DDX24: variants seen among roughly 807,000 people sequenced by gnomAD.
DDX24 encodes DEAD-box helicase 24, also known as ATP-dependent RNA helicase DDX24.
In DDX24, 24 loss-of-function variants were observed where a neutral mutation model predicts 68.9. That is an observed-to-expected ratio of 0.35 (90% CI 0.25 to 0.49). The LOEUF (loss-of-function observed/expected upper bound fraction) is 0.49, where lower values mean the gene tolerates loss of function less well. DDX24 is among the 20% of genes least tolerant of loss of function. The pLI is 0.99. For synonymous variants in DDX24, 395 were observed against 385.2 expected, an observed-to-expected ratio of 1.03 and a Z score of -0.30; for missense variants, 989 against 1,039.0, an observed-to-expected ratio of 0.95 and a Z score of 0.66.
intron 8 of DDX24, among the ~76,000 whole-genome samples, chr14:94,052,168 G>A (rs1378774979): frequency 1.3e-5 from 2 of 152,262 alleles, no homozygotes. Context: ...CTTGGGCACC[G>A]AGGTGTCAAC....
intron 2 of DDX24, among the ~76,000 whole-genome samples, chr14:94,077,251 TGCATGG>T (rs1272176907): frequency 3.9e-5 from 6 of 152,150 alleles, no homozygotes; most frequent in Non-Finnish European, 8.8e-5. Context: ...TATTTATTAT[TGCATGG>T]GCAGTGGTCT....
At chr14:94,059,807 G>A (rs529472773) in intron 5 of DDX24, among the ~76,000 whole-genome samples, 2 of 152,152 alleles carry the variant, frequency 1.3e-5, no homozygotes, top group African/African-American at 2.4e-5. Flanking sequence ...ATGTGATTCT[G>A]AATCTAAAGT....
rs112814907 is a variant in DDX24, at chr14:94,051,187, C to CCACAG, written c.*3_*4insCTGTG. 6.5e-7 allele frequency: 1 copy of CCACAG among 1,527,026 alleles called. No homozygotes were observed. 94.6% of individuals were successfully genotyped at this position (1,527,026 alleles called of 1,614,324 possible). On this transcript the variant is annotated 3_prime_UTR_variant, in exon 9 of 9. Transcript: ENST00000621632. ...AATGTGCAGTCACTGACACACTTGA[C>CCACAG]CAGTTAATTTGCACTTGTACTTGGC...
At chr14:94,051,965 A>G (rs1885396244) in intron 8 of DDX24, 1 of 153,204 alleles carries the variant, frequency 6.5e-6, no homozygotes, top group South Asian at 2.1e-4. Flanking sequence ...GTGACTGCAC[A>G]TGGAGAAGCT....
At position 94,060,496 on chromosome 14, in the gene DDX24, A is replaced by C. The variant is rs770252122; in HGVS notation, c.1515T>G (p.Val505=). The part of the protein sequence containing the change: ...SQYNPKRQTL[V]FSATLTLVHQ... ...GCACCAGGGTGAGTGTGGCAGAAAA[A>C]ACAAGCGTTTGTCTCTTTGGGTTGT... Residue 505 remains valine, a synonymous_variant, in exon 5 of 9, where the codon GTT becomes GTG. Coordinates refer to ENST00000621632, the MANE Select transcript of DDX24 (RefSeq NM_020414.4). The C allele has an allele frequency of 3.3e-5, 54 of 1,613,964 alleles. No individual in the cohort carries two copies. The highest frequency in any genetic ancestry group is 5.0e-5 in the Admixed American group (3 of 59,998).
chr14:94,078,028 TAA>T (rs559505980), intron 2 of DDX24, among the ~76,000 whole-genome samples: 7 of 142,264 alleles, frequency 4.9e-5, no homozygotes, highest in African/African-American at 5.1e-5. Context: ...TTCGGGGGGG[TAA>T]AAAAAAAAAA....
At position 94,048,748 on chromosome 14, in the gene DDX24, C is replaced by T. The variant is rs1011967469; in HGVS notation, c.*2443G>A. ...TTCCCAAGCAGGAGTGTCAGGGGAACCATGAGAGAGAGTCTAGGAGCAAAC... is the reference window on the plus strand; with the variant it reads ...TTCCCAAGCAGGAGTGTCAGGGGAATCATGAGAGAGAGTCTAGGAGCAAAC... On this transcript the variant is annotated 3_prime_UTR_variant, in exon 9 of 9. Transcript: ENST00000621632. The T allele has an allele frequency of 7.3e-6, 1 of 137,398 alleles. No individual in the cohort carries two copies. Among genetic ancestry groups the T allele is most frequent in the South Asian group, 2.3e-4 (1 of 4,414 alleles). 8.5% of individuals were successfully genotyped at this position (137,398 alleles called of 1,614,324 possible).
intron 1 of DDX24, among the ~76,000 whole-genome samples, chr14:94,080,395 C>T (rs1024558309): frequency 6.6e-6 from 1 of 152,152 alleles, no homozygotes; most frequent in African/African-American, 2.4e-5. Context: ...GGAACTCGAT[C>T]CAGGTTTTTC....
chr14:94,057,812 A>G lies in DDX24; in HGVS notation c.1989+10T>C. 1 of 1,612,670 alleles carries G rather than the reference A, an allele frequency of 6.2e-7. No homozygotes were observed. The highest frequency in any genetic ancestry group is 8.5e-7 in the Non-Finnish European group (1 of 1,179,478). On this transcript the variant is annotated intron_variant, in intron 6 of 8. Coordinates refer to ENST00000621632, the MANE Select transcript of DDX24 (RefSeq NM_020414.4). ...CAGGCAGATGCCTATAAATTTTCAG[A>G]TGCCCCTACCTGGTAATGGATGACA... is the stretch of plus-strand genomic sequence containing the variant.
intron 2 of DDX24, 97 bp from the exon 3 acceptor site, chr14:94,062,718 G>A (rs764904674): frequency 1.2e-5 from 17 of 1,441,622 alleles, no homozygotes; most frequent in Non-Finnish European, 1.6e-5. Flanking sequence ...GAATAAGGTA[G>A]CCAAGTGCCA....
chr14:94,068,651 A>G (rs1033012867), intron 2 of DDX24, among the ~76,000 whole-genome samples: 6 of 152,266 alleles, frequency 3.9e-5, no homozygotes, highest in Non-Finnish European at 7.3e-5. Flanking sequence ...AATTGAAATT[A>G]TATCAAGCAC....
Position 94,050,925 on chromosome 14 carries a change from G to T in DDX24, c.*266C>A, listed in dbSNP as rs1026898325. 2 of 379,576 alleles carry T rather than the reference G, an allele frequency of 5.3e-6. No individual in the cohort carries two copies. Among genetic ancestry groups the T allele is most frequent in the African/African-American group, 2.1e-5 (1 of 47,548 alleles). The allele number at this position is 379,576 out of a possible 1,614,324, so 23.5% of individuals were successfully genotyped here. On this transcript the variant is annotated 3_prime_UTR_variant, in exon 9 of 9. Coordinates refer to ENST00000621632, the MANE Select transcript of DDX24 (RefSeq NM_020414.4). ...AAAATCAGGATGACACAATGGCTCT[G>T]ACCATTGTTTTTAATTTATGAAATC...
At chr14:94,061,383 A>G (rs937234081) in intron 3 of DDX24, among the ~76,000 whole-genome samples, 2 of 152,206 alleles carry the variant, frequency 1.3e-5, no homozygotes, top group Non-Finnish European at 2.9e-5. Flanking sequence ...CTGGGGCACC[A>G]TAATGCTGGG....
Position 94,060,531 on chromosome 14 carries a change from C to T in DDX24, c.1480G>A (p.Asp494Asn). The change falls in exon 5 of 9, where the codon GAC becomes AAC. Residue 494 changes from aspartate to asparagine, a missense_variant. Asp to Asn is a conservative substitution (Grantham distance 23, BLOSUM62 1). This residue lies in a region of DDX24 where 691 missense variants were observed against 760.0 expected (regional missense o/e 0.91). Coordinates refer to ENST00000621632, the MANE Select transcript of DDX24 (RefSeq NM_020414.4). Reference protein sequence around the residue: ...ELSQLLEMLNDSQYNPKRQTL... With the variant: ...ELSQLLEMLNNSQYNPKRQTL... The stretch of plus-strand genomic sequence containing the variant: ...TGTCTCTTTGGGTTGTATTGGGAGT[C>T]ATTGAGCATCTCTAGCAGCTGTGAG... 2.5e-6 allele frequency: 4 copies of T among 1,614,154 alleles called. No individual in the cohort carries two copies. The highest frequency in any genetic ancestry group is 1.6e-4 in the Middle Eastern group (1 of 6,062).
rs764113826 is a variant in DDX24, at chr14:94,053,147, A to G, written c.2179-20T>C. On this transcript the variant is annotated intron_variant, in intron 7 of 8. Transcript: ENST00000621632. ...TCGCTCCTGGGGGGAAGTAACAGAAAATATTCATCTGAAATAGAGTTCAGG... is the reference window on the plus strand; with the variant it reads ...TCGCTCCTGGGGGGAAGTAACAGAAGATATTCATCTGAAATAGAGTTCAGG... 2.5e-6 allele frequency: 4 copies of G among 1,613,844 alleles called. No individual in the cohort carries two copies. The highest frequency in any genetic ancestry group is 2.2e-5 in the South Asian group (2 of 91,050).
rs184297437 is a variant in DDX24 at position 94,053,683 on chromosome 14, G to A, written c.2179-556C>T. 2.2e-3 allele frequency among the ~76,000 whole-genome samples: 334 copies of A among 152,110 alleles called. 3 individuals are homozygous for A. Among genetic ancestry groups the A allele is most frequent in the African/African-American group, 6.4e-3 (264 of 41,514 alleles). On this transcript the variant is annotated intron_variant, in intron 7 of 8. Coordinates refer to ENST00000621632, the MANE Select transcript of DDX24 (RefSeq NM_020414.4). ...TACAAAATTAGCTGGGCATGGTGGC[G>A]CATGCCTGTAATCCCAGCTACTTGG...
rs1481957073 is a variant in DDX24, at chr14:94,048,602, ATACC to A, written c.*2585_*2588del. 1 of 152,228 alleles carries A rather than the reference ATACC, an allele frequency of 6.6e-6. No individual in the cohort carries two copies. Among genetic ancestry groups the A allele is most frequent in the Non-Finnish European group, 1.5e-5 (1 of 68,050 alleles). The allele number at this position is 152,228 out of a possible 1,614,324, so 9.4% of individuals were successfully genotyped here. A position where few individuals can be genotyped will look rare whatever the true frequency, so the allele number is the denominator to read the frequency against. ...GATTCCTTGTGTGAAAATAGCTATTATACCTGACACACTCATCGTATGGGCTCTG... is the reference window on the plus strand; with the variant it reads ...GATTCCTTGTGTGAAAATAGCTATTATGACACACTCATCGTATGGGCTCTG... On this transcript the variant is annotated 3_prime_UTR_variant, in exon 9 of 9. Transcript: ENST00000621632.
At chr14:94,057,573 T>C (rs1426706190) in intron 6 of DDX24, 4 of 460,312 alleles carry the variant, frequency 8.7e-6, no homozygotes, top group Non-Finnish European at 1.5e-5. Context: ...CAGAAAAAAC[T>C]AAGACTCTAA....
intron 2 of DDX24, among the ~76,000 whole-genome samples, chr14:94,064,406 C>T (rs2141428411): frequency 6.6e-6 from 1 of 152,306 alleles, no homozygotes; most frequent in South Asian, 2.1e-4. Context: ...AATAAGATGA[C>T]TAGTGGCTGG....
Sources: allele counts gnomAD v4.1 joint callset (sites outside exome capture counted in the v4.1 genomes callset), GRCh38; gene constraint gnomAD v4.1.1; regional missense constraint gnomAD v4.1.1; transcripts MANE v1.5; gene names NCBI Gene and HGNC (gene_info 2026-07-23, HGNC 2026-07-21).